The following HYAL4 variants were observed in gnomAD, a reference collection of about 807,000 sequenced individuals.
The protein encoded by HYAL4 is hyaluronidase 4.
In HYAL4, 37 loss-of-function variants were observed where a neutral mutation model predicts 35.2. That is an observed-to-expected ratio of 1.05 (90% CI 0.81 to 1.38). The LOEUF (loss-of-function observed/expected upper bound fraction) is 1.38, where lower values mean the gene tolerates loss of function less well. Ranked by LOEUF, HYAL4 falls within the 40% of genes most tolerant of loss-of-function variation. The pLI, the probability that HYAL4 is intolerant of heterozygous loss-of-function variation, is 0.00. For synonymous variants in HYAL4, 198 were observed against 203.2 expected (o/e 0.97, Z 0.22); for missense variants, 572 against 572.4 (o/e 1.00, Z 0.01).
chr7:123,873,725 C>T (rs1563005929), intron 3 of HYAL4, among the ~76,000 whole-genome samples: 1 of 152,144 alleles, frequency 6.6e-6, no homozygotes, highest in African/African-American at 2.4e-5. Context: ...AGAAAACGGC[C>T]TAGATCCCTG....
chr7:123,876,775 C>A lies in HYAL4; in HGVS notation c.1066C>A (p.Gln356Lys). Residue 356 changes from glutamine to lysine, a missense_variant, in exon 5 of 5, where the codon CAG becomes AAG. By Grantham distance (53) the Gln-to-Lys change is moderately conservative. Transcript: ENST00000223026. ...ASKANCTKVK[Q>K]FVSSDLGSYI... is the part of the protein sequence containing the mutation. ...CTAGGCCAACTGTACAAAGGTGAAG[C>A]AGTTTGTGAGTTCTGATTTAGGGAG... 1 of 1,613,530 alleles carries A rather than the reference C, an allele frequency of 6.2e-7. No homozygotes were observed.
At chr7:123,775,947 A>C in the HYAL4 span, among the ~76,000 whole-genome samples, 1 of 152,248 alleles carries the variant, frequency 6.6e-6, no homozygotes, top group East Asian at 1.9e-4. Flanking sequence ...TGGCCTGGCC[A>C]CTTTAGCCAT....
At chr7:123,857,677 C>CTTTGTTTG (rs1400897639) in intron 2 of HYAL4, among the ~76,000 whole-genome samples, 1 of 78,846 alleles carries the variant, frequency 1.3e-5, no homozygotes, top group African/African-American at 4.8e-5. Context: ...TTGTTTCTTT[C>CTTTGTTTG]TTTCTTTCTT....
chr7:123,852,711 G>A (rs1806338850), intron 2 of HYAL4, among the ~76,000 whole-genome samples: 1 of 152,066 alleles, frequency 6.6e-6, no homozygotes, highest in African/African-American at 2.4e-5. Context: ...GATTGTCTTG[G>A]CTATACAGGC....
At chr7:123,871,699 G>A (rs1037451902) in intron 3 of HYAL4, among the ~76,000 whole-genome samples, 7 of 152,130 alleles carry the variant, frequency 4.6e-5, no homozygotes, top group Non-Finnish European at 8.8e-5. Context: ...TGTACAAAAT[G>A]GGACAATATT....
the HYAL4 span, chr7:123,814,608 C>A: frequency 6.6e-6 from 1 of 152,546 alleles, no homozygotes; most frequent in Non-Finnish European, 1.5e-5. Context: ...CACTCTTTAG[C>A]CTTCACTAGA....
At chr7:123,780,456 C>T in the HYAL4 span, among the ~76,000 whole-genome samples, 1,327 of 152,292 alleles carry the variant, frequency 8.7e-3, 20 homozygotes, top group African/African-American at 0.03. Context: ...ATGGCTGTCA[C>T]ATAAGAATAT....
chr7:123,834,739 A>C (rs1162220731), intron 1 of HYAL4, among the ~76,000 whole-genome samples: 1 of 152,050 alleles, frequency 6.6e-6, no homozygotes, highest in Admixed American at 6.5e-5. Flanking sequence ...CTTTTATTGC[A>C]TTGAGGTATG....
At chr7:123,766,191 AC>A in the HYAL4 span, among the ~76,000 whole-genome samples, 2 of 152,138 alleles carry the variant, frequency 1.3e-5, no homozygotes, top group African/African-American at 4.8e-5. Context: ...CTGGCATCTT[AC>A]CTATTATGAA....
chr7:123,768,376 G>A, the HYAL4 span, among the ~76,000 whole-genome samples: 1 of 152,162 alleles, frequency 6.6e-6, no homozygotes, highest in Non-Finnish European at 1.5e-5. Flanking sequence ...TTTCTGGTTT[G>A]TTTATCTGGT....
chr7:123,867,051 C>G (rs1806707724), intron 2 of HYAL4, among the ~76,000 whole-genome samples: 1 of 152,158 alleles, frequency 6.6e-6, no homozygotes, highest in South Asian at 2.1e-4. Flanking sequence ...CACCAAAGTG[C>G]TGGGATTATA....
At chr7:123,828,555 G>C (rs898943940), upstream of HYAL4, among the ~76,000 whole-genome samples, 24 of 151,984 alleles carry the variant, frequency 1.6e-4, no homozygotes, top group African/African-American at 5.5e-4. Flanking sequence ...GGTAGTTTTT[G>C]AAAAATCTGA....
the HYAL4 span, among the ~76,000 whole-genome samples, chr7:123,816,016 G>T: frequency 6.6e-6 from 1 of 152,144 alleles, no homozygotes; most frequent in Non-Finnish European, 1.5e-5. Flanking sequence ...AGAAGGAAAA[G>T]AATCATAGCA....
intron 1 of HYAL4, among the ~76,000 whole-genome samples, chr7:123,836,535 G>A (rs1805965993): frequency 6.6e-6 from 1 of 152,070 alleles, no homozygotes; most frequent in African/African-American, 2.4e-5. Flanking sequence ...TATCCATTCT[G>A]CAATTCTATA....
intron 2 of HYAL4, among the ~76,000 whole-genome samples, chr7:123,860,366 G>A (rs1383040881): frequency 6.6e-6 from 1 of 152,082 alleles, no homozygotes; most frequent in Non-Finnish European, 1.5e-5. Context: ...ATTATACTGT[G>A]TACATATGTA....
At chr7:123,859,003 T>C (rs1437687907) in intron 2 of HYAL4, among the ~76,000 whole-genome samples, 1 of 151,694 alleles carries the variant, frequency 6.6e-6, no homozygotes, top group East Asian at 1.9e-4. Flanking sequence ...TAAAAAGAAA[T>C]AAAAACAATG....
At chr7:123,834,202 A>G (rs544134716) in intron 1 of HYAL4, among the ~76,000 whole-genome samples, 12 of 152,214 alleles carry the variant, frequency 7.9e-5, no homozygotes, top group African/African-American at 2.9e-4. Context: ...AGTATTGATT[A>G]TACCCATCCA....
At chr7:123,821,231 C>T in the HYAL4 span, among the ~76,000 whole-genome samples, 18 of 152,134 alleles carry the variant, frequency 1.2e-4, no homozygotes, top group Non-Finnish European at 2.6e-4. Flanking sequence ...AGGAATCTTC[C>T]ATACTGTTTT....
the HYAL4 span, among the ~76,000 whole-genome samples, chr7:123,811,074 A>G: frequency 6.6e-6 from 1 of 152,040 alleles, no homozygotes; most frequent in Non-Finnish European, 1.5e-5. Context: ...ACCACAGTTC[A>G]TTTATCTACT....
Sources: gnomAD v4.1 joint callset for allele counts (sites outside exome capture counted in the v4.1 genomes callset) on GRCh38, gnomAD v4.1.1 for gene constraint, MANE v1.5 for transcripts, NCBI Gene and HGNC (gene_info 2026-07-23, HGNC 2026-07-21) for gene names.